Variants in SMG6 observed in about 807,000 individuals in gnomAD.
The protein encoded by SMG6 is telomerase-binding protein EST1A.
A neutral mutation model predicts 142.2 loss-of-function variants in SMG6; 66 were observed. The observed-to-expected ratio is 0.46, with a 90% CI of 0.38 to 0.57. The LOEUF (loss-of-function observed/expected upper bound fraction) is 0.57. Ranked by LOEUF, SMG6 falls within the 20% of genes least tolerant of loss-of-function variation. The pLI, the probability that SMG6 is intolerant of heterozygous loss-of-function variation, is 0.00. For synonymous variants in SMG6, 779 were observed against 702.4 expected, an observed-to-expected ratio of 1.11 and a Z score of -1.72; for missense variants, 1,793 against 1,832.0, an observed-to-expected ratio of 0.98 and a Z score of 0.39.
intron 13 of SMG6, among the ~76,000 whole-genome samples, chr17:2,116,887 C>A (rs1345936888): frequency 6.6e-6 from 1 of 151,196 alleles, no homozygotes; most frequent in African/African-American, 2.4e-5. Flanking sequence ...GACAAAGAAT[C>A]CAAGAAAAAC....
chr17:2,235,556 A>T (rs2073627300), intron 10 of SMG6, among the ~76,000 whole-genome samples: 1 of 152,130 alleles, frequency 6.6e-6, no homozygotes, highest in East Asian at 1.9e-4. Context: ...GAAACACCAG[A>T]TCTGTTTTAC....
Position 2,121,587 on chromosome 17 carries a change from C to CTGTGTGTGTG in SMG6, c.3358-35696_3358-35687dup, listed in dbSNP as rs71150850. ...TATATGTATATATGTACATGTCTGT[C>CTGTGTGTGTG]TGTGTGTGTGTGTGTGTGTGTGTGT... On this transcript the variant is annotated intron_variant, in intron 13 of 18. Transcript: ENST00000263073. Among the ~76,000 whole-genome samples, 246 of 139,816 alleles carry CTGTGTGTGTG rather than the reference C, an allele frequency of 1.8e-3. 1 individual carries two copies. The highest frequency in any genetic ancestry group is 5.2e-3 in the African/African-American group (196 of 37,732). 91.7% of individuals were successfully genotyped at this position (139,816 alleles called of 152,430 possible).
chr17:2,218,249 A>C (rs780884038), intron 10 of SMG6, among the ~76,000 whole-genome samples: 1 of 152,014 alleles, frequency 6.6e-6, no homozygotes, highest in Non-Finnish European at 1.5e-5. Flanking sequence ...CGTTAGTAAA[A>C]AAATAAGATA....
At chr17:2,172,179 T>A (rs2151651089) in intron 13 of SMG6, among the ~76,000 whole-genome samples, 1 of 152,236 alleles carries the variant, frequency 6.6e-6, no homozygotes, top group South Asian at 2.1e-4. Context: ...TGCTTCATAT[T>A]CCTACAAGTT....
intron 13 of SMG6, among the ~76,000 whole-genome samples, chr17:2,141,314 G>A (rs541770302): frequency 2.0e-5 from 3 of 152,294 alleles, no homozygotes; most frequent in South Asian, 2.1e-4. Flanking sequence ...AAAAGAAAAC[G>A]TAAAGAGAAT....
intron 10 of SMG6, among the ~76,000 whole-genome samples, chr17:2,205,219 C>T (rs1352938979): frequency 6.6e-6 from 1 of 152,004 alleles, no homozygotes; most frequent in Non-Finnish European, 1.5e-5. Flanking sequence ...CAGGTGCTCA[C>T]CACCATGTCT....
At chr17:2,297,418 CG>C in intron 3 of SMG6, 65 bp from the exon 4 acceptor site, 1 of 1,227,142 alleles carries the variant, frequency 8.1e-7, no homozygotes. Flanking sequence ...CACCAAAAAC[CG>C]GGGCAGACAA....
At chr17:2,205,635 T>G (rs57408289) in intron 10 of SMG6, among the ~76,000 whole-genome samples, 1 of 152,162 alleles carries the variant, frequency 6.6e-6, no homozygotes, top group Non-Finnish European at 1.5e-5. Context: ...AATAACTGTA[T>G]AGTTCTCATT....
chr17:2,087,112 TTCTC>T, intron 13 of SMG6: 2 of 1,290,414 alleles, frequency 1.5e-6, no homozygotes, highest in South Asian at 1.2e-5. Context: ...GGTGCAGGTG[TTCTC>T]TCTCTCATGT....
At chr17:2,262,138 G>T (rs531852795) in intron 8 of SMG6, among the ~76,000 whole-genome samples, 5 of 152,112 alleles carry the variant, frequency 3.3e-5, no homozygotes, top group African/African-American at 1.2e-4. Context: ...TTTCCCATAC[G>T]CATCAGGAGC....
chr17:2,180,248 T>C (rs948573499), intron 12 of SMG6, among the ~76,000 whole-genome samples: 1 of 152,166 alleles, frequency 6.6e-6, no homozygotes, highest in East Asian at 1.9e-4. Context: ...ATGGGGCAAG[T>C]AGGTGGGCCC....
chr17:2,132,985 T>C (rs2070172696), intron 13 of SMG6, among the ~76,000 whole-genome samples: 1 of 152,206 alleles, frequency 6.6e-6, no homozygotes, highest in Non-Finnish European at 1.5e-5. Context: ...ATTCACCATG[T>C]TGTAATCCCA....
At chr17:2,147,610 T>C (rs1322953209) in intron 13 of SMG6, among the ~76,000 whole-genome samples, 2 of 152,034 alleles carry the variant, frequency 1.3e-5, no homozygotes, top group African/African-American at 4.8e-5. Flanking sequence ...GACACCTTAA[T>C]GCTCAAGCAT....
At chr17:2,139,000 T>C (rs765367244) in intron 13 of SMG6, among the ~76,000 whole-genome samples, 3 of 152,200 alleles carry the variant, frequency 2.0e-5, no homozygotes, top group Admixed American at 6.5e-5. Flanking sequence ...CTGCTGGAGA[T>C]GTGTAGCGTG....
chr17:2,228,760 G>C (rs2073387332), intron 10 of SMG6, among the ~76,000 whole-genome samples: 2 of 152,220 alleles, frequency 1.3e-5, no homozygotes, highest in South Asian at 4.1e-4. Flanking sequence ...TGAATTCGCA[G>C]GTCAGGATGA....
chr17:2,066,328 GTGTA>G (rs1392669379), intron 16 of SMG6, among the ~76,000 whole-genome samples: 4 of 151,902 alleles, frequency 2.6e-5, no homozygotes, highest in Non-Finnish European at 5.9e-5. Flanking sequence ...GTGTACATGT[GTGTA>G]TGTGTATGCG....
At chr17:2,178,306 G>C (rs2071706567) in intron 12 of SMG6, among the ~76,000 whole-genome samples, 1 of 152,168 alleles carries the variant, frequency 6.6e-6, no homozygotes, top group Admixed American at 6.5e-5. Context: ...AGGTATCAAA[G>C]GCCACCATTC....
intron 15 of SMG6, among the ~76,000 whole-genome samples, chr17:2,078,383 T>TC (rs1322451089): frequency 1.4e-5 from 2 of 147,450 alleles, no homozygotes; most frequent in Non-Finnish European, 3.0e-5. Context: ...ACTGAATACT[T>TC]TTTTTTTTTT....
chr17:2,105,270 G>A (rs2069124807), intron 13 of SMG6, among the ~76,000 whole-genome samples: 2 of 151,864 alleles, frequency 1.3e-5, no homozygotes, highest in African/African-American at 4.8e-5. Flanking sequence ...ACTCAGCCGG[G>A]CGTGGTGGCT....
Sources: gnomAD v4.1 joint callset for allele counts (sites outside exome capture counted in the v4.1 genomes callset) on GRCh38, gnomAD v4.1.1 for gene constraint, MANE v1.5 for transcripts, NCBI Gene and HGNC (gene_info 2026-07-23, HGNC 2026-07-21) for gene names.